PRELID2: variants seen among roughly 807,000 people sequenced by gnomAD.
The protein encoded by PRELID2 is PRELI domain containing 2.
A neutral mutation model predicts 28.4 loss-of-function variants in PRELID2; 25 were observed. The observed-to-expected ratio is 0.88, with a 90% CI of 0.64 to 1.23. PRELID2 has a LOEUF of 1.23. PRELID2 is among the 50% of genes most tolerant of loss of function. PRELID2 has a pLI of 0.00. For missense variants in PRELID2, 201 were observed against 214.4 expected (o/e 0.94, Z 0.39); for synonymous variants, 76 against 71.6 (o/e 1.06, Z -0.31).
chr5:145,672,032 C>A (rs994693475), intron 1 of PRELID2, among the ~76,000 whole-genome samples: 1 of 152,166 alleles, frequency 6.6e-6, no homozygotes, highest in Non-Finnish European at 1.5e-5. Context: ...TGAGCTCGGA[C>A]ATACTCTATT....
At chr5:145,796,571 T>C (rs761424859) in intron 4 of PRELID2, 24 bp from the exon 5 acceptor site, 2 of 1,452,914 alleles carry the variant, frequency 1.4e-6, no homozygotes, top group African/African-American at 1.4e-5. Flanking sequence ...AAAAAACACA[T>C]CTTTGATGTC....
the PRELID2 span, chr5:145,229,620 C>A: frequency 9.5e-7 from 1 of 1,057,142 alleles, no homozygotes; most frequent in Non-Finnish European, 1.5e-6. Flanking sequence ...TTATTGCCAT[C>A]GTGGAGAACA....
At chr5:145,704,949 AAGCCCAGCTG>A (rs1434094957) in intron 1 of PRELID2, among the ~76,000 whole-genome samples, 1 of 152,206 alleles carries the variant, frequency 6.6e-6, no homozygotes, top group African/African-American at 2.4e-5. Context: ...GCCCTTTCAG[AAGCCCAGCTG>A]AGCCCAGGGG....
chr5:145,585,604 T>G (rs1163664341), intron 1 of PRELID2, among the ~76,000 whole-genome samples: 4 of 152,158 alleles, frequency 2.6e-5, no homozygotes, highest in Non-Finnish European at 4.4e-5. Flanking sequence ...GTTATTTTGA[T>G]ACTTAAATGA....
At chr5:145,813,709 A>C (rs1183781421) in intron 4 of PRELID2, among the ~76,000 whole-genome samples, 1 of 152,168 alleles carries the variant, frequency 6.6e-6, no homozygotes, top group African/African-American at 2.4e-5. Flanking sequence ...AGGCATCAAT[A>C]AATGTTAGCC....
At chr5:145,298,774 A>T in the PRELID2 span, among the ~76,000 whole-genome samples, 3 of 152,140 alleles carry the variant, frequency 2.0e-5, no homozygotes, top group African/African-American at 7.2e-5. Flanking sequence ...CTACAGCAAC[A>T]CAAAATAAAC....
At chr5:145,483,103 G>T (rs1013150675) in intron 1 of PRELID2, among the ~76,000 whole-genome samples, 25 of 152,162 alleles carry the variant, frequency 1.6e-4, no homozygotes, top group African/African-American at 6.0e-4. Flanking sequence ...ATAGACTGAA[G>T]TTGTAGTAGA....
chr5:145,751,339 G>A (rs1341245950), intron 1 of PRELID2, among the ~76,000 whole-genome samples: 2 of 152,202 alleles, frequency 1.3e-5, no homozygotes, highest in East Asian at 3.9e-4. Flanking sequence ...TCCAGTGATT[G>A]GGGGTGGCCT....
chr5:145,590,227 T>C (rs892315893), intron 1 of PRELID2, among the ~76,000 whole-genome samples: 6 of 152,164 alleles, frequency 3.9e-5, no homozygotes, highest in African/African-American at 1.4e-4. Flanking sequence ...CCCAGATTAT[T>C]GGATGGTTCC....
intron 1 of PRELID2, among the ~76,000 whole-genome samples, chr5:145,651,231 G>A (rs1258590517): frequency 1.3e-5 from 2 of 152,158 alleles, no homozygotes; most frequent in Admixed American, 6.6e-5. Context: ...CCATTGCTGA[G>A]GCTTGAGTAG....
intron 5 of PRELID2, among the ~76,000 whole-genome samples, chr5:145,774,623 C>A (rs893144703): frequency 2.0e-5 from 3 of 152,208 alleles, no homozygotes; most frequent in Non-Finnish European, 4.4e-5. Flanking sequence ...TAGGAAATAC[C>A]AGCAGGGGCT....
the PRELID2 span, among the ~76,000 whole-genome samples, chr5:145,455,370 T>C: frequency 1.3e-5 from 2 of 151,918 alleles, no homozygotes; most frequent in African/African-American, 2.4e-5. Context: ...TGTAGTATAG[T>C]ATAGCATGAT....
chr5:145,669,346 CTTAA>C (rs1368174778), intron 1 of PRELID2, among the ~76,000 whole-genome samples: 1 of 152,020 alleles, frequency 6.6e-6, no homozygotes, highest in Non-Finnish European at 1.5e-5. Context: ...AGTAGGTGTT[CTTAA>C]TTAGTGAATT....
At chr5:145,294,500 T>C in the PRELID2 span, among the ~76,000 whole-genome samples, 1 of 152,144 alleles carries the variant, frequency 6.6e-6, no homozygotes, top group Non-Finnish European at 1.5e-5. Context: ...GTTCTACAAT[T>C]CCATTGCTAA....
intron 1 of PRELID2, among the ~76,000 whole-genome samples, chr5:145,830,748 G>C (rs774185862): frequency 4.3e-4 from 65 of 152,230 alleles, no homozygotes; most frequent in Non-Finnish European, 8.4e-4. Flanking sequence ...TAGGAACAAA[G>C]AGTATCATAT....
intron 1 of PRELID2, among the ~76,000 whole-genome samples, chr5:145,604,068 G>T (rs1051833992): frequency 3.3e-5 from 5 of 151,878 alleles, no homozygotes; most frequent in African/African-American, 1.2e-4. Flanking sequence ...AATTAGGTCA[G>T]ATTTTTAAAT....
chr5:145,234,940 G>T, the PRELID2 span, among the ~76,000 whole-genome samples: 1 of 152,056 alleles, frequency 6.6e-6, no homozygotes, highest in South Asian at 2.1e-4. Context: ...CCAGAATATT[G>T]AGACTGGTCC....
chr5:145,680,494 C>A lies in PRELID2; in HGVS notation n.70+84437G>T, dbSNP rs559991870. Reference sequence around the variant, plus strand: ...TAGAATTGGGATCCAGTGTGAATTTCTTTTGTTAGCTCAAACTGAGAAGAT... The same window carrying A: ...TAGAATTGGGATCCAGTGTGAATTTATTTTGTTAGCTCAAACTGAGAAGAT... On this transcript the variant is annotated intron_variant and non_coding_transcript_variant, in intron 1 of 2. Coordinates refer to the PRELID2 transcript ENST00000510259. Among the ~76,000 whole-genome samples the A allele has an allele frequency of 2.1e-4, 32 of 152,248 alleles. No individual in the cohort carries two copies. The South Asian group carries it at 6.6e-3, about 32-fold the overall frequency.
chr5:145,553,796 A>G (rs1008359031), intron 1 of PRELID2, among the ~76,000 whole-genome samples: 3 of 152,258 alleles, frequency 2.0e-5, no homozygotes, highest in Non-Finnish European at 4.4e-5. Context: ...GAATTGTGAC[A>G]GGGTGACTCT....
Sources: allele counts gnomAD v4.1 joint callset (sites outside exome capture counted in the v4.1 genomes callset), GRCh38; gene constraint gnomAD v4.1.1; transcripts MANE v1.5; gene names NCBI Gene and HGNC (gene_info 2026-07-23, HGNC 2026-07-21).